Variants in SAMMSON observed in about 807,000 individuals in gnomAD.
SAMMSON encodes survival associated mitochondrial melanoma specific oncogenic non-coding RNA.
Position 70,059,836 on chromosome 3 carries a change from AGCATTTATTCATTTG to A in SAMMSON, n.418-11639_418-11625del, listed in dbSNP as rs2067181174. Among the ~76,000 whole-genome samples, 3 of 152,136 alleles carry A rather than the reference AGCATTTATTCATTTG, an allele frequency of 2.0e-5. No homozygotes were observed. The South Asian group carries it at 6.2e-4, about 31-fold the overall frequency. ...TCTAGCTGTTTTAGTGAATGACACC[AGCATTTATTCATTTG>A]TCTTACAAATATTTAGAATCATGTA... On this transcript the variant is annotated intron_variant and non_coding_transcript_variant, in intron 3 of 9. Coordinates refer to ENST00000642114, the Ensembl canonical transcript of SAMMSON.
At chr3:70,012,438 A>G (rs1052084315) in exon 2 of SAMMSON, 4 of 152,062 alleles carry the variant, frequency 2.6e-5, no homozygotes, top group African/African-American at 9.7e-5. Flanking sequence ...ACTTGAAGAT[A>G]CTACACTGCG....
intron 6 of SAMMSON, among the ~76,000 whole-genome samples, chr3:70,272,485 A>G (rs1258598934): frequency 1.3e-5 from 2 of 152,178 alleles, no homozygotes; most frequent in Admixed American, 6.5e-5. Flanking sequence ...ATAAACCAAA[A>G]TTTGTTTATC....
intron 6 of SAMMSON, among the ~76,000 whole-genome samples, chr3:70,280,792 T>G: frequency 6.6e-6 from 1 of 152,242 alleles, no homozygotes; most frequent in Non-Finnish European, 1.5e-5. Flanking sequence ...CTGACCTAAC[T>G]TGTTTGACTG....
chr3:70,347,907 G>C (rs975800001), intron 7 of SAMMSON, among the ~76,000 whole-genome samples: 1 of 152,150 alleles, frequency 6.6e-6, no homozygotes, highest in Non-Finnish European at 1.5e-5. Context: ...GCCAGGCGTG[G>C]TGGTATATGC....
chr3:70,240,552 T>C (rs1309618910), intron 4 of SAMMSON, among the ~76,000 whole-genome samples: 1 of 152,164 alleles, frequency 6.6e-6, no homozygotes, highest in East Asian at 1.9e-4. Flanking sequence ...ACAGATGCAC[T>C]GGTTGGCTTT....
chr3:70,198,375 C>G (rs775634723), intron 4 of SAMMSON, among the ~76,000 whole-genome samples: 1 of 152,078 alleles, frequency 6.6e-6, no homozygotes, highest in Non-Finnish European at 1.5e-5. Flanking sequence ...TATAAGTGCT[C>G]TTATCGCCGT....
intron 6 of SAMMSON, among the ~76,000 whole-genome samples, chr3:70,274,995 A>T (rs1471775016): frequency 6.6e-6 from 1 of 152,100 alleles, no homozygotes; most frequent in African/African-American, 2.4e-5. Flanking sequence ...GAGAATGAAG[A>T]TTCTCAGAAC....
chr3:70,038,480 T>G (rs539212808), intron 3 of SAMMSON, among the ~76,000 whole-genome samples: 2 of 152,228 alleles, frequency 1.3e-5, no homozygotes, highest in African/African-American at 4.8e-5. Context: ...ATGAGCCACA[T>G]AAACATCTTT....
At chr3:70,173,246 T>C (rs1281402107) in intron 4 of SAMMSON, among the ~76,000 whole-genome samples, 1 of 151,966 alleles carries the variant, frequency 6.6e-6, no homozygotes, top group African/African-American at 2.4e-5. Flanking sequence ...CCATTTATTT[T>C]TCAGCAGACT....
At chr3:70,195,471 T>A (rs560138018) in intron 4 of SAMMSON, among the ~76,000 whole-genome samples, 1 of 152,316 alleles carries the variant, frequency 6.6e-6, no homozygotes, top group East Asian at 1.9e-4. Context: ...GATGAATAGT[T>A]TTCAATGTTT....
At chr3:70,356,518 A>C in intron 8 of SAMMSON, among the ~76,000 whole-genome samples, 1 of 152,158 alleles carries the variant, frequency 6.6e-6, no homozygotes, top group East Asian at 1.9e-4. Context: ...TCTGGTTACA[A>C]GTCCCACCAG....
chr3:70,341,600 A>T (rs986392592), intron 7 of SAMMSON, among the ~76,000 whole-genome samples: 1 of 152,120 alleles, frequency 6.6e-6, no homozygotes, highest in African/African-American at 2.4e-5. Flanking sequence ...TTTCCTTCTT[A>T]TATAAGAAGA....
chr3:70,059,514 T>TCTAGCC (rs2067179731), intron 3 of SAMMSON, among the ~76,000 whole-genome samples: 3 of 152,072 alleles, frequency 2.0e-5, no homozygotes, highest in African/African-American at 7.2e-5. Context: ...CAATCTGAGT[T>TCTAGCC]CAAACACCTG....
At chr3:70,408,197 C>T (rs1449451907) in intron 2 of SAMMSON, among the ~76,000 whole-genome samples, 3 of 152,212 alleles carry the variant, frequency 2.0e-5, no homozygotes, top group Admixed American at 6.5e-5. Flanking sequence ...TGTGGGCCAG[C>T]GATGGGAGGC....
chr3:70,399,058 T>C (rs954107813), intron 2 of SAMMSON, among the ~76,000 whole-genome samples: 8 of 152,164 alleles, frequency 5.3e-5, no homozygotes, highest in African/African-American at 1.9e-4. Flanking sequence ...GAATCTTGCG[T>C]TTTTAGTCAG....
Position 70,335,214 on chromosome 3 carries a change from G to C in SAMMSON, n.740-18961G>C, listed in dbSNP as rs139544394. Among the ~76,000 whole-genome samples, 1,219 of 152,072 alleles carry C rather than the reference G, an allele frequency of 8.0e-3. 7 individuals carry two copies. Among genetic ancestry groups the C allele is most frequent in the Middle Eastern group, 0.041 (12 of 294 alleles). On this transcript the variant is annotated intron_variant and non_coding_transcript_variant, in intron 7 of 9. Coordinates refer to ENST00000642114, the Ensembl canonical transcript of SAMMSON. ...TGGTGGGTATATTTCATCTCCAAAC[G>C]CATTGCAAATTCCTTGAGAGCAAAG...
At chr3:70,379,894 A>T (rs1295706242) in intron 9 of SAMMSON, among the ~76,000 whole-genome samples, 1 of 152,198 alleles carries the variant, frequency 6.6e-6, no homozygotes, top group Non-Finnish European at 1.5e-5. Context: ...CGCTAAGAAT[A>T]TATTAAAGTT....
At chr3:70,077,368 A>G (rs962501550) in intron 4 of SAMMSON, among the ~76,000 whole-genome samples, 52 of 152,186 alleles carry the variant, frequency 3.4e-4, no homozygotes, top group Non-Finnish European at 1.0e-4. Flanking sequence ...CAAATTTGAA[A>G]TTATTTTAGA....
At chr3:70,355,365 G>GA (rs973571511) in intron 8 of SAMMSON, among the ~76,000 whole-genome samples, 23 of 151,546 alleles carry the variant, frequency 1.5e-4, no homozygotes, top group Non-Finnish European at 2.4e-4. Context: ...AGAGCCAACT[G>GA]AAACATGCAC....
Sources: allele counts gnomAD v4.1 joint callset (sites outside exome capture counted in the v4.1 genomes callset), GRCh38; gene constraint gnomAD v4.1.1; transcripts MANE v1.5; gene names NCBI Gene and HGNC (gene_info 2026-07-23, HGNC 2026-07-21).